Variants in NFATC1 observed in about 807,000 individuals in gnomAD.
The protein encoded by NFATC1 is nuclear factor of activated T cells 1, also known as nuclear factor of activated T-cells, cytoplasmic 1.
NFATC1 carries 22 observed loss-of-function variants against 76.0 expected under a neutral mutation model. The ratio of observed to expected loss-of-function variants is 0.29; its 90% CI spans 0.21 to 0.41. The LOEUF (loss-of-function observed/expected upper bound fraction) is 0.41, where lower values mean the gene tolerates loss of function less well. Ranked by LOEUF, NFATC1 falls within the 10% of genes least tolerant of loss-of-function variation. NFATC1 has a pLI of 1.00. For synonymous variants in NFATC1, 704 were observed against 613.1 expected (o/e 1.15, Z -2.19); for missense variants, 1,357 against 1,337.7 (o/e 1.01, Z -0.23).
chr18:79,517,773 T>C (rs1464541465), intron 9 of NFATC1, among the ~76,000 whole-genome samples: 1 of 152,250 alleles, frequency 6.6e-6, no homozygotes, highest in East Asian at 1.9e-4. Flanking sequence ...TGGTTGTTGA[T>C]TGGAACTAAC....
chr18:79,453,810 A>G lies in NFATC1; in HGVS notation c.1903+1994A>G, dbSNP rs965438845. Among the ~76,000 whole-genome samples, 6 of 152,340 alleles carry G rather than the reference A, an allele frequency of 3.9e-5. 1 individual carries two copies. In the East Asian group the frequency reaches 5.8e-4, roughly 15 times the overall value. On this transcript the variant is annotated intron_variant, in intron 6 of 9. Coordinates refer to ENST00000427363, the MANE Select transcript of NFATC1 (RefSeq NM_001278669.2). ...TTTATAGTTGAATAAGATAATTTGC[A>G]TATTCATACACACACAAGCACATTC...
At chr18:79,501,255 A>G (rs1308155646) in intron 9 of NFATC1, among the ~76,000 whole-genome samples, 1 of 152,254 alleles carries the variant, frequency 6.6e-6, no homozygotes, top group Non-Finnish European at 1.5e-5. Context: ...ATGCAAGAAA[A>G]AAAGCATTTA....
chr18:79,522,769 C>A lies in NFATC1; in HGVS notation c.2783-4759C>A, dbSNP rs192544818. On this transcript the variant is annotated intron_variant, in intron 9 of 9. Coordinates refer to ENST00000427363, the MANE Select transcript of NFATC1 (RefSeq NM_001278669.2). ...CTCCTGGGGCCAGGAGCTGGCTGGGCAGGGTGGGAACCCTCCTGTCCCAGG... is the reference window on the plus strand; with the variant it reads ...CTCCTGGGGCCAGGAGCTGGCTGGGAAGGGTGGGAACCCTCCTGTCCCAGG... Among the ~76,000 whole-genome samples, 580 of 152,246 alleles carry A rather than the reference C, an allele frequency of 3.8e-3. 4 individuals carry two copies. Among genetic ancestry groups the A allele is most frequent in the African/African-American group, 0.013 (532 of 41,526 alleles).
rs2084994893 is a variant in NFATC1, at chr18:79,396,141, C to T, written c.-84C>T. 3.0e-6 allele frequency: 4 copies of T among 1,313,080 alleles called. No homozygotes were observed. The highest frequency in any genetic ancestry group is 7.4e-5 in the East Asian group (2 of 27,082). 81.3% of individuals were successfully genotyped at this position (1,313,080 alleles called of 1,614,324 possible). On this transcript the variant is annotated 5_prime_UTR_variant, in exon 1 of 10. Transcript: ENST00000427363. Reference sequence around the variant, plus strand: ...TGAGCCCGGGGCGAGGGCTGTCTTCCCGGAGACCCGACCCCGGCAGCGCGG... The same window carrying T: ...TGAGCCCGGGGCGAGGGCTGTCTTCTCGGAGACCCGACCCCGGCAGCGCGG...
intron 2 of NFATC1, among the ~76,000 whole-genome samples, chr18:79,428,807 G>T (rs1163212286): frequency 6.6e-6 from 1 of 152,022 alleles, no homozygotes; most frequent in East Asian, 1.9e-4. Context: ...ACACCCTCTA[G>T]CCTAGGCAGC....
intron 9 of NFATC1, among the ~76,000 whole-genome samples, chr18:79,494,014 C>A (rs1023730974): frequency 5.3e-5 from 8 of 152,328 alleles, no homozygotes; most frequent in African/African-American, 1.7e-4. Flanking sequence ...GGAGCTGCTT[C>A]CTCAGGGAGC....
At chr18:79,412,604 C>T (rs1428183380) in intron 2 of NFATC1, among the ~76,000 whole-genome samples, 1 of 152,204 alleles carries the variant, frequency 6.6e-6, no homozygotes, top group Non-Finnish European at 1.5e-5. Flanking sequence ...TCTGCAGTCT[C>T]AGGCCATGCT....
intron 9 of NFATC1, among the ~76,000 whole-genome samples, chr18:79,489,366 T>TG (rs889592704): frequency 3.3e-5 from 5 of 152,224 alleles, no homozygotes; most frequent in Non-Finnish European, 7.3e-5. Flanking sequence ...GCCATGGGGC[T>TG]GGGCCTGGCC....
At chr18:79,513,883 G>A (rs113430457) in intron 9 of NFATC1, among the ~76,000 whole-genome samples, 5 of 152,218 alleles carry the variant, frequency 3.3e-5, no homozygotes, top group African/African-American at 1.2e-4. Context: ...ACGGGCCACT[G>A]TGGAGCCCAT....
At chr18:79,491,941 T>C (rs1667672) in intron 9 of NFATC1, among the ~76,000 whole-genome samples, 96,267 of 152,014 alleles carry the variant, frequency 0.63, 30,546 homozygotes, top group Middle Eastern at 0.68. Context: ...CTGCTTCACA[T>C]GAACAGCTGT....
chr18:79,521,190 T>G (rs139055769), intron 9 of NFATC1, among the ~76,000 whole-genome samples: 1,130 of 42,900 alleles, frequency 0.026, 54 homozygotes, highest in Non-Finnish European at 0.036. Context: ...CATGTGTGTG[T>G]GGGGGCATCA....
rs950777632 is a variant in NFATC1 at position 79,469,335 on chromosome 18, C to T, written c.2092+1753C>T. ...CTTATTTGCTCAGCATGCGGCAGTC[C>T]CCACCGTGGGTTTGAGCAGCACTGA... is the stretch of plus-strand genomic sequence containing the variant. On this transcript the variant is annotated intron_variant, in intron 8 of 9. Coordinates refer to ENST00000427363, the MANE Select transcript of NFATC1 (RefSeq NM_001278669.2). The T allele has an allele frequency of 8.1e-6, 8 of 985,272 alleles. No individual in the cohort carries two copies. In the African/African-American group the frequency reaches 1.4e-4, roughly 17 times the overall value. The allele number at this position is 985,272 out of a possible 1,614,324, so 61.0% of individuals were successfully genotyped here.
At chr18:79,396,968 G>A (rs1488865626) in intron 1 of NFATC1, among the ~76,000 whole-genome samples, 3 of 152,228 alleles carry the variant, frequency 2.0e-5, no homozygotes, top group East Asian at 1.9e-4. Context: ...ATAGGCAGGA[G>A]TTCCAGCCAG....
chr18:79,459,035 G>GC (rs2087906378), intron 6 of NFATC1, among the ~76,000 whole-genome samples: 1 of 152,238 alleles, frequency 6.6e-6, no homozygotes, highest in Non-Finnish European at 1.5e-5. Context: ...ACGGGGAGAG[G>GC]CCCCACCTCC....
chr18:79,414,691 G>A (rs2085817192), intron 2 of NFATC1, among the ~76,000 whole-genome samples: 1 of 152,148 alleles, frequency 6.6e-6, no homozygotes, highest in African/African-American at 2.4e-5. Flanking sequence ...GGAATCACAG[G>A]CCACCTGCTA....
rs753211496 is a variant in NFATC1 at position 79,467,522 on chromosome 18, G to A, written c.2032G>A (p.Val678Ile). 114 of 1,613,814 alleles carry A rather than the reference G, an allele frequency of 7.1e-5. No homozygotes were observed. In the Middle Eastern group the frequency reaches 1.8e-3, roughly 26 times the overall value. ...ITSPVHVSFY[V>I]CNGKRKRSQY... ...CAGCCCCGTTCACGTCAGTTTCTACGTCTGCAACGGGAAGAGAAAGCGAAG... is the reference window on the plus strand; with the variant it reads ...CAGCCCCGTTCACGTCAGTTTCTACATCTGCAACGGGAAGAGAAAGCGAAG... Residue 678 changes from valine (V) to isoleucine (I), a missense_variant, in exon 8 of 10, where the codon GTC becomes ATC. By Grantham distance (29) the Val-to-Ile change is conservative. This residue lies in a region of NFATC1 where 424 missense variants were observed against 395.4 expected (regional missense o/e 1.07). Transcript: ENST00000427363.
chr18:79,400,291 CG>C (rs1275833472), intron 1 of NFATC1: 226 of 1,212,570 alleles, frequency 1.9e-4, no homozygotes, highest in Middle Eastern at 6.8e-4. Context: ...GGGGGAGGGG[CG>C]GGGGTCACGT....
chr18:79,441,449 G>T (rs934066473), intron 3 of NFATC1, among the ~76,000 whole-genome samples: 9 of 152,164 alleles, frequency 5.9e-5, no homozygotes, highest in South Asian at 2.1e-4. Flanking sequence ...GGCCATTCTG[G>T]AGCTGGGAGG....
chr18:79,482,274 C>A (rs1211559408), intron 8 of NFATC1, among the ~76,000 whole-genome samples: 1 of 135,338 alleles, frequency 7.4e-6, no homozygotes, highest in Non-Finnish European at 1.6e-5. Context: ...GGGTGTAATT[C>A]CAGTGTGACC....
Sources: allele counts gnomAD v4.1 joint callset (sites outside exome capture counted in the v4.1 genomes callset), GRCh38; gene constraint gnomAD v4.1.1; regional missense constraint gnomAD v4.1.1; transcripts MANE v1.5; gene names NCBI Gene and HGNC (gene_info 2026-07-23, HGNC 2026-07-21).